RHOH: variants seen among roughly 807,000 people sequenced by gnomAD.
The protein encoded by RHOH is rho-related GTP-binding protein RhoH.
Under a neutral mutation model 13.8 loss-of-function variants are expected in RHOH, and 6 were observed. The ratio of observed to expected loss-of-function variants is 0.44; its 90% CI spans 0.24 to 0.86. RHOH has a LOEUF of 0.86. Among genes scored for constraint, RHOH ranks in the 40% least tolerant of loss-of-function variants. The pLI, the probability that RHOH is intolerant of heterozygous loss-of-function variation, is 0.24. For missense variants in RHOH, 147 were observed against 244.5 expected (o/e 0.60, Z 2.66); for synonymous variants, 117 against 103.0 (o/e 1.14, Z -0.82).
At chr4:40,213,605 A>G (rs1210519573) in intron 1 of RHOH, among the ~76,000 whole-genome samples, 1 of 152,182 alleles carries the variant, frequency 6.6e-6, no homozygotes, top group Non-Finnish European at 1.5e-5. Context: ...TAGTTACCAA[A>G]GAATCGCTCT....
chr4:40,238,386 T>C (rs76882225), intron 1 of RHOH, among the ~76,000 whole-genome samples: 6,069 of 152,278 alleles, frequency 0.04, 427 homozygotes, highest in African/African-American at 0.14. Flanking sequence ...GCCGTTAGAA[T>C]TGAGGCCAAA....
chr4:40,196,507 C>G (rs1195846164), upstream of RHOH, among the ~76,000 whole-genome samples: 2 of 152,186 alleles, frequency 1.3e-5, no homozygotes, highest in African/African-American at 4.8e-5. Flanking sequence ...GGGGTGAACG[C>G]ACGGCAGGGG....
At chr4:40,236,507 C>T (rs896916405) in intron 1 of RHOH, among the ~76,000 whole-genome samples, 1 of 152,056 alleles carries the variant, frequency 6.6e-6, no homozygotes, top group Non-Finnish European at 1.5e-5. Flanking sequence ...AAGTAACTTA[C>T]CGGCTGGCTG....
chr4:40,231,893 G>T (rs1727990044), intron 1 of RHOH, among the ~76,000 whole-genome samples: 1 of 152,184 alleles, frequency 6.6e-6, no homozygotes. Context: ...ACCCTTCTAG[G>T]TGCCCTAGGT....
rs61731758 is a variant in RHOH, at chr4:40,243,896, C to T, written c.510C>T (p.Ala170=). The change falls in exon 3 of 3, where the codon GCC becomes GCT. Residue 170 remains alanine, a synonymous_variant. Coordinates refer to ENST00000381799, the MANE Select transcript of RHOH (RefSeq NM_004310.5). The surrounding 1 kb of genome is among the most constrained non-coding windows in gnomAD (Gnocchi z 6.2). The part of the protein sequence containing the change: ...QQVFECAVRT[A]VNQARRRNRR... ...TGTTTGAGTGCGCCGTCCGAACTGC[C>T]GTCAACCAGGCCAGGAGACGAAACA... 5.7e-4 allele frequency: 916 copies of T among 1,614,106 alleles called. 10 individuals carry two copies. In the South Asian group the frequency reaches 7.8e-3, roughly 14 times the overall value.
intron 1 of RHOH, among the ~76,000 whole-genome samples, chr4:40,211,866 T>C (rs760796809): frequency 3.9e-5 from 6 of 152,190 alleles, no homozygotes; most frequent in Non-Finnish European, 8.8e-5. Context: ...AGTTGTAAAA[T>C]GGGAATTATA....
rs1316046540 is a variant in RHOH, at chr4:40,218,990, C to T, written c.-331+21690C>T. ...TCCATAATGGAAGGAATTGTTTAGTCCTGTACTAAAGGAATTTAGAAAGAG... is the reference window on the plus strand; with the variant it reads ...TCCATAATGGAAGGAATTGTTTAGTTCTGTACTAAAGGAATTTAGAAAGAG... On this transcript the variant is annotated intron_variant, in intron 1 of 2. Transcript: ENST00000381799. The surrounding 1 kb of genome is among the most constrained non-coding windows in gnomAD (Gnocchi z 4.1). Among the ~76,000 whole-genome samples the T allele has an allele frequency of 1.3e-5, 2 of 151,958 alleles. No individual in the cohort carries two copies. The highest frequency in any genetic ancestry group is 2.9e-5 in the Non-Finnish European group (2 of 67,990).
chr4:40,230,563 C>T (rs187152279), intron 1 of RHOH, among the ~76,000 whole-genome samples: 321 of 150,494 alleles, frequency 2.1e-3, no homozygotes, highest in African/African-American at 7.3e-3. Flanking sequence ...CAAGACTATC[C>T]GCAACATGGC....
Position 40,221,979 on chromosome 4 carries a change from G to A in RHOH, c.-330-20735G>A, listed in dbSNP as rs1388839310. 2.0e-5 allele frequency among the ~76,000 whole-genome samples: 3 copies of A among 152,264 alleles called. No homozygotes were observed. In the South Asian group the frequency reaches 6.2e-4, roughly 32 times the overall value. On this transcript the variant is annotated intron_variant, in intron 1 of 2. Transcript: ENST00000381799. ...TTACTGCTTGGACAAAGCTTTAGTG[G>A]TCTGGGTAGAAGATCAAACCAGCTA...
At chr4:40,220,209 C>T (rs1726385560) in intron 1 of RHOH, among the ~76,000 whole-genome samples, 3 of 152,176 alleles carry the variant, frequency 2.0e-5, no homozygotes, top group Non-Finnish European at 1.5e-5. Flanking sequence ...CCTCTGCCTG[C>T]ATGCGGTCCA....
At chr4:40,194,922 T>C (rs1206308770), upstream of RHOH, among the ~76,000 whole-genome samples, 1 of 152,178 alleles carries the variant, frequency 6.6e-6, no homozygotes, top group Non-Finnish European at 1.5e-5. Flanking sequence ...GTCTTCTCTA[T>C]GGGAATCCAG....
At chr4:40,238,535 C>T (rs1488471948) in intron 1 of RHOH, among the ~76,000 whole-genome samples, 2 of 152,202 alleles carry the variant, frequency 1.3e-5, no homozygotes, top group African/African-American at 4.8e-5. Flanking sequence ...AACTCTGTTG[C>T]TTTTGCAACG....
chr4:40,199,904 A>G (rs1030231559), intron 1 of RHOH, among the ~76,000 whole-genome samples: 2 of 152,216 alleles, frequency 1.3e-5, no homozygotes, highest in Non-Finnish European at 2.9e-5. Flanking sequence ...TCCTTTAAAA[A>G]AATGCAAATC....
In RHOH at chr4:40,246,967, A is replaced by G. The variant is rs1729802079; in HGVS notation, c.*3005A>G. On this transcript the variant is annotated 3_prime_UTR_variant, in exon 3 of 3. Coordinates refer to ENST00000381799, the MANE Select transcript of RHOH (RefSeq NM_004310.5). ...TGATGACATTAAAGAGTTAATTTTC[A>G]TGGTCGGGTAGTTCATTCTTGTCTC... The G allele has an allele frequency of 6.6e-6, 1 of 152,198 alleles. No homozygotes were observed. Among genetic ancestry groups the G allele is most frequent in the Non-Finnish European group, 1.5e-5 (1 of 68,036 alleles). 9.4% of individuals were successfully genotyped at this position (152,198 alleles called of 1,614,324 possible).
At chr4:40,238,176 G>A (rs1728807129) in intron 1 of RHOH, among the ~76,000 whole-genome samples, 1 of 149,620 alleles carries the variant, frequency 6.7e-6, no homozygotes, top group Admixed American at 6.6e-5. Flanking sequence ...ACAGCAGGGG[G>A]CATCTGATCT....
rs1233256151 is a variant in RHOH, at chr4:40,222,630, T to C, written c.-330-20084T>C. Among the ~76,000 whole-genome samples, 5 of 152,340 alleles carry C rather than the reference T, an allele frequency of 3.3e-5. No individual in the cohort carries two copies. In the East Asian group the frequency reaches 9.6e-4, roughly 29 times the overall value. On this transcript the variant is annotated intron_variant, in intron 1 of 2. Coordinates refer to ENST00000381799, the MANE Select transcript of RHOH (RefSeq NM_004310.5). ...TATTACAGCTCATGGACAACGCACC[T>C]AGTCACCCAAGAGCTCTGATGGAGA...
At chr4:40,214,136 A>C (rs1351469290) in intron 1 of RHOH, among the ~76,000 whole-genome samples, 1 of 152,170 alleles carries the variant, frequency 6.6e-6, no homozygotes, top group Admixed American at 6.5e-5. Flanking sequence ...CAGGTTCCTT[A>C]ATCTCCTCCT....
At chr4:40,228,144 C>T (rs1727468348) in intron 1 of RHOH, among the ~76,000 whole-genome samples, 1 of 152,006 alleles carries the variant, frequency 6.6e-6, no homozygotes, top group Non-Finnish European at 1.5e-5. Context: ...CAGCCATTTT[C>T]TATGTCAAGA....
chr4:40,236,977 G>A (rs1314509951), intron 1 of RHOH, among the ~76,000 whole-genome samples: 1 of 152,184 alleles, frequency 6.6e-6, no homozygotes, highest in Non-Finnish European at 1.5e-5. Flanking sequence ...TAGCCAGTGT[G>A]TAGACAATGT....
Sources: allele counts gnomAD v4.1 joint callset (sites outside exome capture counted in the v4.1 genomes callset), GRCh38; gene constraint gnomAD v4.1.1; non-coding constraint Gnocchi (gnomAD v3.1); transcripts MANE v1.5; gene names NCBI Gene and HGNC (gene_info 2026-07-23, HGNC 2026-07-21).